Variants in SIAH3 observed in about 807,000 individuals in gnomAD.
The protein encoded by SIAH3 is seven in absentia homolog 3.
A neutral mutation model predicts 12.6 loss-of-function variants in SIAH3; 9 were observed. The ratio of observed to expected loss-of-function variants is 0.72; its 90% CI spans 0.43 to 1.25. The LOEUF (loss-of-function observed/expected upper bound fraction) is 1.25, where lower values mean the gene tolerates loss of function less well. Among genes scored for constraint, SIAH3 ranks in the 50% most tolerant of loss-of-function variants. The probability of loss-of-function intolerance (pLI) is 0.00; values close to 1 mark genes in which losing one functional copy is unlikely to be tolerated. For synonymous variants in SIAH3, 154 were observed against 151.1 expected, an observed-to-expected ratio of 1.02 and a Z score of -0.14; for missense variants, 390 against 365.4, an observed-to-expected ratio of 1.07 and a Z score of -0.55.
chr13:45,829,602 C>T (rs935616738), intron 1 of SIAH3, among the ~76,000 whole-genome samples: 3 of 152,160 alleles, frequency 2.0e-5, no homozygotes, highest in African/African-American at 7.2e-5. Context: ...GACCAAGACC[C>T]TGACTCAAAA....
At position 45,783,935 on chromosome 13, in the gene SIAH3, G is replaced by A. The variant is rs1239046799; in HGVS notation, c.258C>T (p.His86=). ...RHHHHLRHHA[H]PHHLHHQEAG... is the part of the protein sequence containing the mutation. Reference sequence around the variant, plus strand: ...CCTCCTGGTGGTGAAGGTGGTGGGGGTGGGCGTGGTGGCGGAGGTGGTGGT... The same window carrying A: ...CCTCCTGGTGGTGAAGGTGGTGGGGATGGGCGTGGTGGCGGAGGTGGTGGT... The change falls in exon 2 of 2, where the codon CAC becomes CAT. Residue 86 remains histidine (H), a synonymous_variant. Transcript: ENST00000400405. 4 of 1,608,260 alleles carry A rather than the reference G, an allele frequency of 2.5e-6. No individual in the cohort carries two copies. Among genetic ancestry groups the A allele is most frequent in the Non-Finnish European group, 3.4e-6 (4 of 1,177,634 alleles).
chr13:45,820,157 G>C (rs929761351), intron 1 of SIAH3, among the ~76,000 whole-genome samples: 1 of 152,170 alleles, frequency 6.6e-6, no homozygotes, highest in South Asian at 2.1e-4. Context: ...CATCACATTG[G>C]CCACTAAGTT....
At chr13:45,789,150 A>G (rs990470573) in intron 1 of SIAH3, among the ~76,000 whole-genome samples, 2 of 152,214 alleles carry the variant, frequency 1.3e-5, no homozygotes, top group Non-Finnish European at 2.9e-5. Flanking sequence ...TTAAGCCAAG[A>G]GAGAAAACAA....
chr13:45,799,918 A>T (rs1593378066), intron 1 of SIAH3, among the ~76,000 whole-genome samples: 1 of 152,338 alleles, frequency 6.6e-6, no homozygotes, highest in Non-Finnish European at 1.5e-5. Context: ...TATGTAACAT[A>T]TTCCAAAGTC....
intron 1 of SIAH3, among the ~76,000 whole-genome samples, chr13:45,829,533 CAAAAGGTCAAGGCTGCAGT>C (rs1224105736): frequency 6.6e-6 from 1 of 152,128 alleles, no homozygotes; most frequent in African/African-American, 2.4e-5. Context: ...TGCTTGAGCC[CAAAAGGTCAAGGCTGCAGT>C]GAGCCATGAT....
chr13:45,831,372 C>A (rs1950698613), intron 1 of SIAH3, among the ~76,000 whole-genome samples: 1 of 151,922 alleles, frequency 6.6e-6, no homozygotes, highest in Admixed American at 6.6e-5. Context: ...TTGAGGGAGG[C>A]ACTAAGGCTT....
intron 1 of SIAH3, among the ~76,000 whole-genome samples, chr13:45,846,891 C>G (rs1950762201): frequency 6.6e-6 from 1 of 152,226 alleles, no homozygotes; most frequent in Non-Finnish European, 1.5e-5. Context: ...GACTCAGGAG[C>G]CTCATTTGCA....
intron 1 of SIAH3, among the ~76,000 whole-genome samples, chr13:45,811,277 T>C (rs903151502): frequency 2.0e-5 from 3 of 152,098 alleles, no homozygotes; most frequent in African/African-American, 7.2e-5. Context: ...GCAGGACTAG[T>C]TGGAGAGGGT....
intron 1 of SIAH3, among the ~76,000 whole-genome samples, chr13:45,827,395 C>T (rs1950682719): frequency 6.6e-6 from 1 of 152,156 alleles, no homozygotes; most frequent in African/African-American, 2.4e-5. Flanking sequence ...AACCATCTAC[C>T]CCCAGGCTGT....
chr13:45,780,231 C>G lies in SIAH3; in HGVS notation c.*3152G>C, dbSNP rs1950498801. ...CACTGAAGCCTCCATCTGCAGCCCA[C>G]CCACTTCCTGGGCCCCCTGCTTCCA... On this transcript the variant is annotated 3_prime_UTR_variant, in exon 2 of 2. Transcript: ENST00000400405. 6.6e-6 allele frequency: 1 copy of G among 151,240 alleles called. No individual in the cohort carries two copies. The allele number at this position is 151,240 out of a possible 1,614,324, so 9.4% of individuals were successfully genotyped here.
chr13:45,783,267 AATT>A lies in SIAH3; in HGVS notation c.*113_*115del. ...AGACAAAAAAATAATAATAATTAAA[AATT>A]AAAAAAAAAAAAAAGAAAGGAGAAG... On this transcript the variant is annotated 3_prime_UTR_variant, in exon 2 of 2. Coordinates refer to ENST00000400405, the MANE Select transcript of SIAH3 (RefSeq NM_198849.3). 1.8e-5 allele frequency: 12 copies of A among 675,572 alleles called. No homozygotes were observed. The highest frequency in any genetic ancestry group is 1.7e-5 in the Non-Finnish European group (8 of 468,922). The allele number at this position is 675,572 out of a possible 1,614,324, so 41.8% of individuals were successfully genotyped here.
At position 45,805,557 on chromosome 13, in the gene SIAH3, C is replaced by T. The variant is rs527334086; in HGVS notation, c.136-21500G>A. Among the ~76,000 whole-genome samples, 7 of 152,174 alleles carry T rather than the reference C, an allele frequency of 4.6e-5. No individual in the cohort carries two copies. The South Asian group carries it at 6.2e-4, about 14-fold the overall frequency. ...AGAATGAAAATGGACCTCTACCTTT[C>T]GCCATATATAAAAATTAACTCAAGA... On this transcript the variant is annotated intron_variant, in intron 1 of 1. Transcript: ENST00000400405.
intron 1 of SIAH3, among the ~76,000 whole-genome samples, chr13:45,824,114 T>C (rs1950665412): frequency 6.6e-6 from 1 of 152,198 alleles, no homozygotes; most frequent in Non-Finnish European, 1.5e-5. Context: ...TTCACCACTC[T>C]ATAATTAGGG....
intron 1 of SIAH3, among the ~76,000 whole-genome samples, chr13:45,792,858 T>G (rs1950550619): frequency 6.6e-6 from 1 of 152,242 alleles, no homozygotes; most frequent in South Asian, 2.1e-4. Flanking sequence ...TTGGCTCTGC[T>G]TTTCATCTGC....
At chr13:45,791,664 T>C (rs1950546084) in intron 1 of SIAH3, among the ~76,000 whole-genome samples, 1 of 152,226 alleles carries the variant, frequency 6.6e-6, no homozygotes, top group African/African-American at 2.4e-5. Context: ...GTGAGAAGTA[T>C]GATAAAAGCT....
chr13:45,805,809 A>G (rs1316022728), intron 1 of SIAH3, among the ~76,000 whole-genome samples: 1 of 152,224 alleles, frequency 6.6e-6, no homozygotes, highest in African/African-American at 2.4e-5. Context: ...AATGGTAGAA[A>G]ATATTTGCAA....
Position 45,829,310 on chromosome 13 carries a change from A to G in SIAH3, c.135+22185T>C, listed in dbSNP as rs931420030. Among the ~76,000 whole-genome samples the G allele has an allele frequency of 5.3e-5, 8 of 152,184 alleles. No homozygotes were observed. In the East Asian group the frequency reaches 1.3e-3, roughly 26 times the overall value. On this transcript the variant is annotated intron_variant, in intron 1 of 1. Coordinates refer to ENST00000400405, the MANE Select transcript of SIAH3 (RefSeq NM_198849.3). ...CCCAGTAACCACCACCCAGATCAAG[A>G]TATAGAACATGGCTGGGTGCAGTGG...
At chr13:45,806,438 C>T (rs1483442761) in intron 1 of SIAH3, among the ~76,000 whole-genome samples, 1 of 152,146 alleles carries the variant, frequency 6.6e-6, no homozygotes, top group African/African-American at 2.4e-5. Context: ...GAGCTAGAGG[C>T]CATGATATTA....
intron 1 of SIAH3, among the ~76,000 whole-genome samples, chr13:45,802,452 T>C (rs1950585596): frequency 6.6e-6 from 1 of 152,114 alleles, no homozygotes; most frequent in South Asian, 2.1e-4. Flanking sequence ...ACTGTTGAGT[T>C]AGTCCTTCTT....
Sources: gnomAD v4.1 joint callset for allele counts (sites outside exome capture counted in the v4.1 genomes callset) on GRCh38, gnomAD v4.1.1 for gene constraint, MANE v1.5 for transcripts, NCBI Gene and HGNC (gene_info 2026-07-23, HGNC 2026-07-21) for gene names.